Variants in RASSF2 observed in about 807,000 individuals in gnomAD.
The protein encoded by RASSF2 is ras association domain-containing protein 2.
RASSF2 carries 34 observed loss-of-function variants against 46.3 expected under a neutral mutation model. The observed-to-expected ratio is 0.73, with a 90% confidence interval of 0.56 to 0.98. The LOEUF (loss-of-function observed/expected upper bound fraction) is 0.98, where lower values mean the gene tolerates loss of function less well. Among genes scored for constraint, RASSF2 ranks in the 50% least tolerant of loss-of-function variants. The pLI is 0.00. For missense variants in RASSF2, 364 were observed against 431.2 expected (o/e 0.84, Z 1.38); for synonymous variants, 158 against 162.5 (o/e 0.97, Z 0.21).
chr20:4,789,322 G>C (rs1187687107), intron 8 of RASSF2, among the ~76,000 whole-genome samples: 2 of 152,134 alleles, frequency 1.3e-5, no homozygotes, highest in Non-Finnish European at 2.9e-5. Context: ...TCCCCTGCAG[G>C]CTTGTTAGAC....
At chr20:4,816,104 C>A (rs1422480375) in intron 2 of RASSF2, among the ~76,000 whole-genome samples, 1 of 152,024 alleles carries the variant, frequency 6.6e-6, no homozygotes, top group Non-Finnish European at 1.5e-5. Context: ...GAGTTCAAGA[C>A]CAGCTTGGGC....
At chr20:4,785,624 G>C (rs531154811) in intron 11 of RASSF2, among the ~76,000 whole-genome samples, 2 of 152,224 alleles carry the variant, frequency 1.3e-5, no homozygotes, top group East Asian at 3.9e-4. Context: ...AGGGGGAGAG[G>C]AGAGGATTTT....
At chr20:4,800,300 CT>C (rs1366922918) in intron 3 of RASSF2, among the ~76,000 whole-genome samples, 1 of 152,178 alleles carries the variant, frequency 6.6e-6, no homozygotes, top group East Asian at 1.9e-4. Flanking sequence ...GGACACACTA[CT>C]CCAGCCAGGA....
chr20:4,791,762 T>A (rs1925898176), intron 6 of RASSF2, among the ~76,000 whole-genome samples: 1 of 152,232 alleles, frequency 6.6e-6, no homozygotes, highest in South Asian at 2.1e-4. Flanking sequence ...TAGCAGAGGC[T>A]GAAAATGACT....
At chr20:4,804,997 A>G (rs1218609009) in intron 2 of RASSF2, among the ~76,000 whole-genome samples, 1 of 152,106 alleles carries the variant, frequency 6.6e-6, no homozygotes, top group Non-Finnish European at 1.5e-5. Context: ...AGGTCCAGGC[A>G]GAAAGAGCAG....
rs201012130 is a variant in RASSF2, at chr20:4,798,040, T to A, written c.105A>T (p.Glu35Asp). The A allele has an allele frequency of 5.9e-5, 95 of 1,613,806 alleles. No individual in the cohort carries two copies. The highest frequency in any genetic ancestry group is 2.8e-5 in the Non-Finnish European group (33 of 1,179,930). The change falls in exon 4 of 12, where the codon GAA becomes GAT. Residue 35 changes from glutamate (E) to aspartate (D), a missense_variant. Transcript: ENST00000379400. The part of the protein sequence containing the change: ...LHLKTYNLYY[E>D]GQNLQLRHRE... The stretch of plus-strand genomic sequence containing the variant: ...GGTGCCGGAGCTGTAAATTCTGGCC[T>A]TCATAGTACAAGTTGTAGGTCTTCA...
At chr20:4,798,153 CTT>C (rs3830974) in intron 3 of RASSF2, 68 bp from the exon 4 acceptor site, 170,032 of 1,587,698 alleles carry the variant, frequency 0.11, 9,721 homozygotes, top group Non-Finnish European at 0.12. Context: ...GTTGTTCCCT[CTT>C]TCTCTCACCT....
At chr20:4,803,307 G>A (rs73612139) in intron 2 of RASSF2, among the ~76,000 whole-genome samples, 28,799 of 152,056 alleles carry the variant, frequency 0.19, 3,295 homozygotes, top group East Asian at 0.33. Context: ...AAGGATCCAC[G>A]ACCCGAGGGA....
chr20:4,792,690 C>G, intron 5 of RASSF2, 63 bp from the exon 6 acceptor site: 9 of 1,564,304 alleles, frequency 5.8e-6, no homozygotes, highest in Non-Finnish European at 7.8e-6. Flanking sequence ...AGAGACGCCC[C>G]CGCACCCGCT....
At chr20:4,792,041 A>T (rs1413974589) in intron 6 of RASSF2, among the ~76,000 whole-genome samples, 1 of 152,122 alleles carries the variant, frequency 6.6e-6, no homozygotes, top group Non-Finnish European at 1.5e-5. Flanking sequence ...ACTTGAAGCC[A>T]GGAGTTCAAG....
intron 3 of RASSF2, 92 bp downstream of exon 3, chr20:4,800,880 G>A (rs1482469551): frequency 4.7e-6 from 5 of 1,059,230 alleles, no homozygotes; most frequent in Admixed American, 1.7e-5. Context: ...GATATACAGT[G>A]GGGGGCCCTC....
chr20:4,799,385 T>G (rs1237708436), intron 3 of RASSF2, among the ~76,000 whole-genome samples: 1 of 151,974 alleles, frequency 6.6e-6, no homozygotes, highest in Non-Finnish European at 1.5e-5. Context: ...GCACTCCAGG[T>G]GGGATGAGAG....
At position 4,792,602 on chromosome 20, in the gene RASSF2, G is replaced by C; in HGVS notation, c.313C>G (p.Pro105Ala). ...QGTTLKPLTV[P>A]KVQISEVDAP... is the part of the protein sequence containing the mutation. ...TCCACCTCTGAGATCTGAACTTTGG[G>C]CACAGTCAGGGGCTTCAGAGTGGTT... Residue 105 changes from proline (P) to alanine (A), a missense_variant, in exon 6 of 12, where the codon CCC becomes GCC. By Grantham distance (27) the Pro-to-Ala change is conservative. Transcript: ENST00000379400. 2 of 1,614,036 alleles carry C rather than the reference G, an allele frequency of 1.2e-6. No homozygotes were observed. The highest frequency in any genetic ancestry group is 1.7e-6 in the Non-Finnish European group (2 of 1,179,982).
chr20:4,784,183 T>A lies in RASSF2; in HGVS notation c.*90A>T. On this transcript the variant is annotated 3_prime_UTR_variant, in exon 12 of 12. Transcript: ENST00000379400. ...GGAGCTGGGGAGGTTTGTGTCTAAA[T>A]GTTTCCATGGAAAGAAAGTGCCTAG... 1 of 1,355,254 alleles carries A rather than the reference T, an allele frequency of 7.4e-7. No homozygotes were observed. 84.0% of individuals were successfully genotyped at this position (1,355,254 alleles called of 1,614,324 possible).
rs1928471875 is a variant in RASSF2 at position 4,818,473 on chromosome 20, T to G, written c.-33+3856A>C. 2.0e-5 allele frequency among the ~76,000 whole-genome samples: 3 copies of G among 152,208 alleles called. No individual in the cohort carries two copies. The East Asian group carries it at 5.8e-4, about 29-fold the overall frequency. On this transcript the variant is annotated intron_variant, in intron 2 of 11. Coordinates refer to ENST00000379400, the MANE Select transcript of RASSF2 (RefSeq NM_014737.3). ...ATGCTGACTTAGTCATGGCCCGATG[T>G]GTGCTGGGGCCAGATCCTACTGGCT...
chr20:4,802,025 C>A (rs1601112460), intron 2 of RASSF2, among the ~76,000 whole-genome samples: 1 of 152,226 alleles, frequency 6.6e-6, no homozygotes, highest in South Asian at 2.1e-4. Flanking sequence ...CAGGCGTGAG[C>A]CACCGCGCCC....
At chr20:4,806,741 G>A (rs1021876968) in intron 2 of RASSF2, among the ~76,000 whole-genome samples, 11 of 152,056 alleles carry the variant, frequency 7.2e-5, no homozygotes, top group African/African-American at 1.7e-4. Flanking sequence ...CACTGCAGCC[G>A]GTCCATTCTT....
rs750014996 is a variant in RASSF2 at position 4,789,658 on chromosome 20, C to A, written c.577G>T (p.Val193Phe). 1 of 1,613,908 alleles carries A rather than the reference C, an allele frequency of 6.2e-7. No individual in the cohort carries two copies. Among genetic ancestry groups the A allele is most frequent in the African/African-American group, 1.3e-5 (1 of 74,864 alleles). ...FTPAYGSVTN[V>F]RINSTMTTPQ... ...GTGGTCATGGTGCTGTTGATGCGGA[C>A]GTTGGTGACAGAGCCATAGGCTGGT... Residue 193 changes from valine to phenylalanine, a missense_variant, in exon 8 of 12, where the codon GTC becomes TTC. By Grantham distance (50) the Val-to-Phe change is conservative (BLOSUM62 -1). Transcript: ENST00000379400.
chr20:4,795,736 G>A lies in RASSF2; in HGVS notation c.287+79C>T. The A allele has an allele frequency of 6.6e-7, 1 of 1,505,390 alleles. No homozygotes were observed. The highest frequency in any genetic ancestry group is 9.0e-7 in the Non-Finnish European group (1 of 1,114,176). The allele number at this position is 1,505,390 out of a possible 1,614,324, so 93.3% of individuals were successfully genotyped here. ...CCAGGGTCAGGGCTGGCTGGAAGAA[G>A]GCAGCATTTATCTGCTTGAGAACAC... is the stretch of plus-strand genomic sequence containing the variant. On this transcript the variant is annotated intron_variant, in intron 5 of 11. Coordinates refer to ENST00000379400, the MANE Select transcript of RASSF2 (RefSeq NM_014737.3). The surrounding 1 kb of genome is among the most constrained non-coding windows in gnomAD (Gnocchi z 4.0).
Sources: gnomAD v4.1 joint callset for allele counts (sites outside exome capture counted in the v4.1 genomes callset) on GRCh38, gnomAD v4.1.1 for gene constraint, Gnocchi (gnomAD v3.1) non-coding constraint, MANE v1.5 for transcripts, NCBI Gene and HGNC (gene_info 2026-07-23, HGNC 2026-07-21) for gene names.